Variants in GGNBP2 observed in about 807,000 individuals in gnomAD.
GGNBP2 encodes gametogenetin-binding protein 2.
Under a neutral mutation model 85.9 loss-of-function variants are expected in GGNBP2, and 10 were observed. The ratio of observed to expected loss-of-function variants is 0.12; its 90% CI spans 0.07 to 0.20. The LOEUF is 0.20. Among genes scored for constraint, GGNBP2 ranks in the 10% least tolerant of loss-of-function variants. The probability of loss-of-function intolerance (pLI) is 1.00; values close to 1 mark genes in which losing one functional copy is unlikely to be tolerated. For missense variants in GGNBP2, 595 were observed against 857.8 expected, an observed-to-expected ratio of 0.69 and a Z score of 3.83; for synonymous variants, 287 against 285.7, an observed-to-expected ratio of 1.00 and a Z score of -0.05.
rs1049681552 is a variant in GGNBP2 at position 36,545,621 on chromosome 17, A to G, written c.-104A>G. 2 of 846,508 alleles carry G rather than the reference A, an allele frequency of 2.4e-6. No homozygotes were observed. The highest frequency in any genetic ancestry group is 3.8e-6 in the Non-Finnish European group (2 of 520,530). 52.4% of individuals were successfully genotyped at this position (846,508 alleles called of 1,614,324 possible). A position where few individuals can be genotyped will look rare whatever the true frequency, so the allele number is the denominator to read the frequency against. The stretch of plus-strand genomic sequence containing the variant: ...CTCGCGGGGTTTGGCTGTTGCAGGC[A>G]GGAGCTGGGAGGAGGCGGCAGCGGC... On this transcript the variant is annotated splice_region_variant and 5_prime_UTR_variant, in exon 2 of 14. Transcript: ENST00000613102.
Position 36,554,872 on chromosome 17 carries a change from A to G in GGNBP2, c.146A>G (p.Asn49Ser). Residue 49 changes from asparagine (N) to serine (S), a missense_variant, in exon 3 of 14, where the codon AAT becomes AGT. Coordinates refer to ENST00000613102, the MANE Select transcript of GGNBP2 (RefSeq NM_024835.5). ...TTAAATCTCGATGGACATCAGAATA[A>G]TGGTGCACAGCTAAAGCAGTTCATT... is the stretch of plus-strand genomic sequence containing the variant. ...NVLNLDGHQN[N>S]GAQLKQFIQR... 1 of 1,607,940 alleles carries G rather than the reference A, an allele frequency of 6.2e-7. No homozygotes were observed. Among genetic ancestry groups the G allele is most frequent in the South Asian group, 1.1e-5 (1 of 90,960 alleles).
chr17:36,560,985 CTA>C (rs1382732260), intron 5 of GGNBP2, 114 bp downstream of exon 5: 3 of 564,686 alleles, frequency 5.3e-6, no homozygotes, highest in Admixed American at 3.7e-5. Context: ...TGGTTATACT[CTA>C]TGACATAGGT....
intron 5 of GGNBP2, among the ~76,000 whole-genome samples, chr17:36,566,017 C>T (rs532367308): frequency 6.6e-6 from 1 of 152,284 alleles, no homozygotes; most frequent in South Asian, 2.1e-4. Context: ...AGAGGGAGTA[C>T]AGAGCTGAAT....
At chr17:36,565,567 A>G (rs2074459561) in intron 5 of GGNBP2, among the ~76,000 whole-genome samples, 1 of 151,992 alleles carries the variant, frequency 6.6e-6, no homozygotes, top group African/African-American at 2.4e-5. Flanking sequence ...AGAGTTTTTC[A>G]GTTCTGGGAA....
Position 36,578,050 on chromosome 17 carries a change from A to G in GGNBP2, c.709A>G (p.Ser237Gly), listed in dbSNP as rs113988816. 1 of 1,614,202 alleles carries G rather than the reference A, an allele frequency of 6.2e-7. No homozygotes were observed. Among genetic ancestry groups the G allele is most frequent in the Non-Finnish European group, 8.5e-7 (1 of 1,180,032 alleles). The change falls in exon 7 of 14, where the codon AGC (serine) becomes GGC (glycine). Residue 237 changes from serine (S) to glycine (G), a missense_variant. By Grantham distance (56) the Ser-to-Gly change is moderately conservative. Transcript: ENST00000613102. The part of the protein sequence containing the change: ...YNILIGELDC[S>G]KEKGYCAALY... ...TATCCTTATTGGTGAACTTGACTGCAGCAAAGAAAAGGGCTACTGTGCTGC... is the reference window on the plus strand; with the variant it reads ...TATCCTTATTGGTGAACTTGACTGCGGCAAAGAAAAGGGCTACTGTGCTGC...
chr17:36,573,364 C>A (rs566868617), intron 6 of GGNBP2, among the ~76,000 whole-genome samples: 1 of 152,068 alleles, frequency 6.6e-6, no homozygotes, highest in Admixed American at 6.5e-5. Flanking sequence ...CCATTCGCCT[C>A]GGTCTCCCAA....
At chr17:36,552,342 A>G (rs2074317686) in intron 2 of GGNBP2, among the ~76,000 whole-genome samples, 1 of 152,234 alleles carries the variant, frequency 6.6e-6, no homozygotes, top group South Asian at 2.1e-4. Context: ...GATTTCCAAT[A>G]CCAGGATTAT....
intron 9 of GGNBP2, 152 bp from the exon 10 acceptor site, chr17:36,585,148 C>T: frequency 1.6e-6 from 1 of 620,102 alleles, no homozygotes; most frequent in Non-Finnish European, 2.8e-6. Flanking sequence ...AATATCTTTA[C>T]CCACCATTAC....
intron 6 of GGNBP2, among the ~76,000 whole-genome samples, chr17:36,569,286 C>T (rs903479982): frequency 4.6e-5 from 7 of 152,244 alleles, no homozygotes; most frequent in South Asian, 4.2e-4. Flanking sequence ...GTGGCACGCA[C>T]GTGTAGTCCC....
At chr17:36,581,611 GGC>G in intron 9 of GGNBP2, 73 bp downstream of exon 9, 2 of 1,162,040 alleles carry the variant, frequency 1.7e-6, no homozygotes, top group Non-Finnish European at 2.4e-6. Context: ...CAGGTGTGGT[GGC>G]TCACGCCTGT....
chr17:36,579,407 C>G lies in GGNBP2; in HGVS notation c.1008C>G (p.Arg336=), dbSNP rs760391418. 6.2e-7 allele frequency: 1 copy of G among 1,614,002 alleles called. No homozygotes were observed. The highest frequency in any genetic ancestry group is 8.5e-7 in the Non-Finnish European group (1 of 1,179,948). Residue 336 remains arginine (R), a synonymous_variant, in exon 8 of 14, where the codon CGC becomes CGG. Coordinates refer to ENST00000613102, the MANE Select transcript of GGNBP2 (RefSeq NM_024835.5). ...MLFYLGVDAL[R]KSFEMTVEKV... is the part of the protein sequence containing the mutation. The stretch of plus-strand genomic sequence containing the variant: ...TCTATCTTGGTGTTGATGCTTTACG[C>G]AAGAGTTTTGAGGTAAGAACAGTGG...
chr17:36,578,373 TTCTCTGG>T, intron 7 of GGNBP2, 187 bp downstream of exon 7: 1 of 539,886 alleles, frequency 1.9e-6, no homozygotes, highest in Non-Finnish European at 3.2e-6. Context: ...GGAAAAACTG[TTCTCTGG>T]TGTTTGGTTC....
At chr17:36,557,369 G>A in intron 4 of GGNBP2, 33 bp downstream of exon 4, 2 of 1,575,764 alleles carry the variant, frequency 1.3e-6, no homozygotes, top group South Asian at 2.2e-5. Context: ...AAATGGGTTT[G>A]TTAAAATTTA....
chr17:36,571,233 T>C (rs2074521135), intron 6 of GGNBP2, among the ~76,000 whole-genome samples: 5 of 152,034 alleles, frequency 3.3e-5, no homozygotes, highest in Admixed American at 3.3e-4. Context: ...AGGAGTTCAA[T>C]ACCAGCTTGG....
At chr17:36,577,336 A>G (rs1469434395) in intron 6 of GGNBP2, 1 of 152,330 alleles carries the variant, frequency 6.6e-6, no homozygotes, top group Non-Finnish European at 1.5e-5. Context: ...AGTTTAAACC[A>G]GTTTCCATGT....
chr17:36,545,531 C>G (rs1007570313), intron 1 of GGNBP2, 88 bp from the exon 2 acceptor site: 35 of 522,744 alleles, frequency 6.7e-5, no homozygotes, highest in East Asian at 4.8e-4. Context: ...CCGGCTCTCC[C>G]GTACCCTCCC....
intron 6 of GGNBP2, among the ~76,000 whole-genome samples, chr17:36,568,026 A>G (rs1026576213): frequency 6.6e-6 from 1 of 152,046 alleles, no homozygotes. Flanking sequence ...CCCAGGTTCA[A>G]GAGATTCTCC....
At chr17:36,575,211 G>A (rs371778140) in intron 6 of GGNBP2, 69 of 642,292 alleles carry the variant, frequency 1.1e-4, no homozygotes, top group African/African-American at 1.0e-3. Flanking sequence ...CCTCAGCCGC[G>A]GCCTCAGCCC....
rs2074713588 is a variant in GGNBP2 at position 36,587,419 on chromosome 17, T to C, written c.1890+174T>C. Reference sequence around the variant, plus strand: ...TTTCTGTCCTTCCACTCGTGGTTTATGCAACTACTCTGGAACACGTTTCCA... The same window carrying C: ...TTTCTGTCCTTCCACTCGTGGTTTACGCAACTACTCTGGAACACGTTTCCA... On this transcript the variant is annotated intron_variant, in intron 13 of 13. Coordinates refer to ENST00000613102, the MANE Select transcript of GGNBP2 (RefSeq NM_024835.5). 4.3e-6 allele frequency: 3 copies of C among 699,736 alleles called. No homozygotes were observed. In the South Asian group the frequency reaches 5.2e-5, roughly 12 times the overall value. The allele number at this position is 699,736 out of a possible 1,614,324, so 43.3% of individuals were successfully genotyped here. A position where few individuals can be genotyped will look rare whatever the true frequency, so the allele number is the denominator to read the frequency against.
Sources: gnomAD v4.1 joint callset for allele counts (sites outside exome capture counted in the v4.1 genomes callset) on GRCh38, gnomAD v4.1.1 for gene constraint, MANE v1.5 for transcripts, NCBI Gene and HGNC (gene_info 2026-07-23, HGNC 2026-07-21) for gene names.